The following GPHN variants were observed in gnomAD, a reference collection of about 807,000 sequenced individuals.
The protein encoded by GPHN is gephyrin.
GPHN carries 17 observed loss-of-function variants against 95.5 expected under a neutral mutation model. The observed-to-expected ratio is 0.18, with a 90% confidence interval of 0.12 to 0.27. GPHN has a LOEUF of 0.27. Ranked by LOEUF, GPHN falls within the 10% of genes least tolerant of loss-of-function variation. GPHN has a pLI of 1.00. For missense variants in GPHN, 660 were observed against 978.1 expected (o/e 0.67, Z 4.34); for synonymous variants, 320 against 322.5 (o/e 0.99, Z 0.08).
the GPHN span, chr14:67,734,295 C>G: frequency 2.3e-4 from 41 of 180,592 alleles, no homozygotes; most frequent in East Asian, 4.8e-3. Flanking sequence ...ACCCTGGAGT[C>G]TAGACCAACA....
chr14:67,605,183 A>G, the GPHN span, among the ~76,000 whole-genome samples: 12 of 152,182 alleles, frequency 7.9e-5, no homozygotes, highest in African/African-American at 2.7e-4. Context: ...ACTATGCCGC[A>G]TGTTCCAATC....
At chr14:66,682,296 C>T (rs2066986007) in intron 2 of GPHN, among the ~76,000 whole-genome samples, 2 of 152,046 alleles carry the variant, frequency 1.3e-5, no homozygotes, top group African/African-American at 2.4e-5. Context: ...GACAGTTGTC[C>T]TTTGAGTCCT....
chr14:67,106,309 C>G lies in GPHN; in HGVS notation c.1294-3831C>G, dbSNP rs1297008954. Among the ~76,000 whole-genome samples, 6 of 152,068 alleles carry G rather than the reference C, an allele frequency of 3.9e-5. 1 individual carries two copies. Among genetic ancestry groups the G allele is most frequent in the Admixed American group, 6.5e-5 (1 of 15,268 alleles). On this transcript the variant is annotated intron_variant, in intron 13 of 22. Transcript: ENST00000478722. ...ATTATATATGACTTGATTTGGAGAC[C>G]TTTGGAATTCCTGGACCTGGATATC...
chr14:67,260,392 C>T, the GPHN span, among the ~76,000 whole-genome samples: 2 of 152,132 alleles, frequency 1.3e-5, no homozygotes, highest in African/African-American at 2.4e-5. Flanking sequence ...AAAAGATTTT[C>T]ATTCAAAAAA....
At chr14:66,921,978 C>T (rs532422703) in intron 6 of GPHN, among the ~76,000 whole-genome samples, 1 of 152,068 alleles carries the variant, frequency 6.6e-6, no homozygotes, top group Non-Finnish European at 1.5e-5. Context: ...CCCTTTTCAA[C>T]AAAGGGCGCT....
the GPHN span, among the ~76,000 whole-genome samples, chr14:67,723,340 C>T: frequency 1.8e-4 from 27 of 152,266 alleles, no homozygotes; most frequent in African/African-American, 6.3e-4. Context: ...CTCAAGCAAC[C>T]CTCCTGCCTC....
In GPHN at chr14:67,065,138, G is replaced by A. The variant is rs548457316; in HGVS notation, c.1144+6352G>A. On this transcript the variant is annotated intron_variant, in intron 11 of 22. Coordinates refer to ENST00000478722, the MANE Select transcript of GPHN (RefSeq NM_020806.5). ...AGAGATTCTGGTACATCATGTCTTC[G>A]TTCTCATTGGTTTCAAAGAACATCT... Among the ~76,000 whole-genome samples the A allele has an allele frequency of 1.6e-4, 24 of 152,180 alleles. No individual in the cohort carries two copies. In the South Asian group the frequency reaches 4.6e-3, roughly 29 times the overall value.
the GPHN span, chr14:67,642,060 T>C: frequency 1.0e-6 from 1 of 972,228 alleles, no homozygotes; most frequent in South Asian, 1.7e-5. Context: ...ATTTGACATT[T>C]TAAATTTTAC....
chr14:67,173,696 T>A (rs962387674), intron 21 of GPHN, among the ~76,000 whole-genome samples: 1 of 152,096 alleles, frequency 6.6e-6, no homozygotes, highest in Non-Finnish European at 1.5e-5. Context: ...GGGTCTCTAG[T>A]AACAGACCCA....
chr14:67,544,291 G>A, the GPHN span, among the ~76,000 whole-genome samples: 91,340 of 151,838 alleles, frequency 0.6, 27,957 homozygotes, highest in Non-Finnish European at 0.66. Context: ...CGATAACACT[G>A]GTTTAATGTT....
At chr14:66,547,317 G>A (rs1250939246) in intron 1 of GPHN, among the ~76,000 whole-genome samples, 2 of 151,984 alleles carry the variant, frequency 1.3e-5, no homozygotes, top group East Asian at 3.9e-4. Context: ...ACAAATTTTT[G>A]GATGATTGTT....
the GPHN span, among the ~76,000 whole-genome samples, chr14:67,630,098 C>T: frequency 6.6e-6 from 1 of 152,156 alleles, no homozygotes; most frequent in Non-Finnish European, 1.5e-5. Context: ...TAGGGACTCT[C>T]TCAACTTTCT....
At chr14:67,697,580 G>A in the GPHN span, among the ~76,000 whole-genome samples, 1 of 152,146 alleles carries the variant, frequency 6.6e-6, no homozygotes, top group Non-Finnish European at 1.5e-5. Context: ...ACTCTAAGAG[G>A]TAGGTACTAT....
At chr14:66,872,249 A>C (rs2063471088) in intron 4 of GPHN, among the ~76,000 whole-genome samples, 1 of 152,212 alleles carries the variant, frequency 6.6e-6, no homozygotes, top group African/African-American at 2.4e-5. Flanking sequence ...CTTTCAAAGA[A>C]ATATTGAAAT....
chr14:66,755,851 G>C (rs558966816), intron 2 of GPHN, among the ~76,000 whole-genome samples: 2 of 152,262 alleles, frequency 1.3e-5, no homozygotes, highest in African/African-American at 4.8e-5. Context: ...GTTAATAAGA[G>C]AGCTTTCTAG....
intron 1 of GPHN, among the ~76,000 whole-genome samples, chr14:66,676,893 GTTC>G (rs1452742708): frequency 2.0e-5 from 3 of 151,766 alleles, no homozygotes; most frequent in Non-Finnish European, 2.9e-5. Context: ...CAAAATAGAT[GTTC>G]TTCTTTTAAA....
chr14:67,599,956 G>C, the GPHN span: 1 of 1,351,340 alleles, frequency 7.4e-7, no homozygotes, highest in Non-Finnish European at 1.0e-6. Context: ...CTCGACCAAA[G>C]ACCCCAAAGA....
chr14:67,348,819 C>T, the GPHN span: 17 of 462,448 alleles, frequency 3.7e-5, no homozygotes, highest in Middle Eastern at 6.1e-4. Flanking sequence ...CGTGCCCAGC[C>T]GGAACCTGCC....
the GPHN span, chr14:67,199,086 C>T: frequency 2.6e-5 from 27 of 1,020,100 alleles, no homozygotes; most frequent in African/African-American, 2.7e-4. Flanking sequence ...GATCTCCGAG[C>T]GGAACCAGGA....
Sources: gnomAD v4.1 joint callset for allele counts (sites outside exome capture counted in the v4.1 genomes callset) on GRCh38, gnomAD v4.1.1 for gene constraint, MANE v1.5 for transcripts, NCBI Gene and HGNC (gene_info 2026-07-23, HGNC 2026-07-21) for gene names.